Variants in IQCE observed in about 807,000 individuals in gnomAD.
The protein encoded by IQCE is IQ motif containing E.
In IQCE, 115 loss-of-function variants were observed where a neutral mutation model predicts 96.0. The observed-to-expected ratio is 1.20, with a 90% confidence interval of 1.03 to 1.40. The LOEUF is 1.40. Among genes scored for constraint, IQCE ranks in the 40% most tolerant of loss-of-function variants. The pLI is 0.00. For synonymous variants in IQCE, 412 were observed against 371.2 expected, an observed-to-expected ratio of 1.11 and a Z score of -1.26; for missense variants, 1,041 against 909.1, an observed-to-expected ratio of 1.15 and a Z score of -1.87.
intron 1 of IQCE, among the ~76,000 whole-genome samples, chr7:2,565,898 CA>C (rs1476919852): frequency 6.6e-6 from 1 of 152,224 alleles, no homozygotes; most frequent in Non-Finnish European, 1.5e-5. Flanking sequence ...AGTCACATTG[CA>C]CTTGTGTCCT....
rs555392065 is a variant in IQCE, at chr7:2,581,733, G to T, written c.631-847G>T. ...GTTCTTTTTTTTTTTTTTTTGAGATGGAGTCTCGCTCTGTCACCCACGCTG... is the reference window on the plus strand; with the variant it reads ...GTTCTTTTTTTTTTTTTTTTGAGATTGAGTCTCGCTCTGTCACCCACGCTG... On this transcript the variant is annotated intron_variant, in intron 8 of 21. Coordinates refer to ENST00000402050, the MANE Select transcript of IQCE (RefSeq NM_152558.5). 5.9e-3 allele frequency among the ~76,000 whole-genome samples: 817 copies of T among 138,808 alleles called. 15 individuals are homozygous for T. The highest frequency in any genetic ancestry group is 0.02 in the African/African-American group (762 of 37,476). The allele number at this position is 138,808 out of a possible 152,430, so 91.1% of individuals were successfully genotyped here. A position where few individuals can be genotyped will look rare whatever the true frequency, so the allele number is the denominator to read the frequency against.
intron 19 of IQCE, 59 bp from the exon 20 acceptor site, chr7:2,605,817 G>T: frequency 6.9e-7 from 1 of 1,456,932 alleles, no homozygotes; most frequent in Admixed American, 2.5e-5. Context: ...GGGGTTGAGT[G>T]CTGGGAGCCA....
At position 2,610,360 on chromosome 7, in the gene IQCE, C is replaced by T. The variant is rs910541002; in HGVS notation, c.*198C>T. The T allele has an allele frequency of 1.1e-4, 55 of 521,350 alleles. No individual in the cohort carries two copies. Among genetic ancestry groups the T allele is most frequent in the African/African-American group, 7.1e-4 (37 of 51,834 alleles). The allele number at this position is 521,350 out of a possible 1,614,324, so 32.3% of individuals were successfully genotyped here. On this transcript the variant is annotated 3_prime_UTR_variant, in exon 22 of 22. Transcript: ENST00000402050. Reference sequence around the variant, plus strand: ...TACTTTATTCTCTGGGGAGGGCCAGCGGCTCGCATCCCCCTCATCTCCAGC... The same window carrying T: ...TACTTTATTCTCTGGGGAGGGCCAGTGGCTCGCATCCCCCTCATCTCCAGC...
At chr7:2,591,956 C>T (rs867496555) in intron 14 of IQCE, among the ~76,000 whole-genome samples, 52 of 121,932 alleles carry the variant, frequency 4.3e-4, no homozygotes, top group Middle Eastern at 4.1e-3. Flanking sequence ...GGATTACAGG[C>T]GTGAGCCACC....
rs994297417 is a variant in IQCE at position 2,614,168 on chromosome 7, C to T, written c.*4006C>T. The T allele has an allele frequency of 1.3e-4, 20 of 152,196 alleles. No individual in the cohort carries two copies. The highest frequency in any genetic ancestry group is 4.8e-4 in the African/African-American group (20 of 41,438). 9.4% of individuals were successfully genotyped at this position (152,196 alleles called of 1,614,324 possible). ...ATTAGGAAAAGATAGCCCAACCTAG[C>T]TCAGATCCACCAAGATAAGCACAGC... On this transcript the variant is annotated 3_prime_UTR_variant, in exon 22 of 22. Transcript: ENST00000402050.
Position 2,578,357 on chromosome 7 carries a change from T to C in IQCE, c.579+2T>C, listed in dbSNP as rs201523038. ...GAGCAGCTCCTGGATCCCAGCCGCG[T>C]AAGCTCCTGGCGCTTCACGGACGGG... On this transcript the variant is annotated splice_donor_variant, in intron 7 of 21. Coordinates refer to ENST00000402050, the MANE Select transcript of IQCE (RefSeq NM_152558.5). LOFTEE classifies it high-confidence loss of function. 3.2e-5 allele frequency: 51 copies of C among 1,613,608 alleles called. No homozygotes were observed. Among genetic ancestry groups the C allele is most frequent in the Non-Finnish European group, 4.2e-5 (49 of 1,179,686 alleles).
chr7:2,595,000 C>G (rs776673055), intron 16 of IQCE, 24 bp downstream of exon 16: 2 of 1,527,264 alleles, frequency 1.3e-6, no homozygotes, highest in Non-Finnish European at 1.8e-6. Flanking sequence ...TCAGTTGAGT[C>G]TCCCGTCAGG....
intron 1 of IQCE, among the ~76,000 whole-genome samples, chr7:2,561,768 A>T (rs1202226361): frequency 6.6e-6 from 1 of 152,090 alleles, no homozygotes; most frequent in Non-Finnish European, 1.5e-5. Flanking sequence ...AACTTGCTGA[A>T]CTCATTTATT....
chr7:2,603,465 C>G (rs941072377), intron 18 of IQCE, among the ~76,000 whole-genome samples: 2 of 141,676 alleles, frequency 1.4e-5, no homozygotes, highest in Non-Finnish European at 3.2e-5. Context: ...GCCGTCTCCC[C>G]ATCCTGCTTC....
At position 2,610,058 on chromosome 7, in the gene IQCE, G is replaced by T; in HGVS notation, c.1984G>T (p.Gly662Trp). 6.2e-7 allele frequency: 1 copy of T among 1,601,258 alleles called. No homozygotes were observed. The highest frequency in any genetic ancestry group is 8.6e-7 in the Non-Finnish European group (1 of 1,168,384). The change falls in exon 22 of 22, where the codon GGG (glycine) becomes TGG (tryptophan). Residue 662 changes from glycine (G) to tryptophan (W), a missense_variant. By Grantham distance (184) the Gly-to-Trp change is radical (BLOSUM62 -2). Coordinates refer to ENST00000402050, the MANE Select transcript of IQCE (RefSeq NM_152558.5). ...CATTTCTGCAGACCCCTCTCCCTCA[G>T]GGCCACAGGCCTTGGCACCTCTACC... ...LAALPDPSPS[G>W]PQALAPLPGD...
In IQCE at chr7:2,573,461, GT is replaced by G. The variant is rs1467643384; in HGVS notation, c.439del (p.Tyr147MetfsTer7). ...TPVYREKEDM[Y>X]DEIIELKKSL... Reference sequence around the variant, plus strand: ...CTGTCTACAGAGAAAAAGAAGATATGTATGACGAGATTATTGAGTTAAAGAA... The same window carrying G: ...CTGTCTACAGAGAAAAAGAAGATATGATGACGAGATTATTGAGTTAAAGAA... On this transcript the variant is annotated frameshift_variant, in exon 6 of 22. Transcript: ENST00000402050. LOFTEE classifies it high-confidence loss of function. 2 of 1,547,498 alleles carry G rather than the reference GT, an allele frequency of 1.3e-6. No homozygotes were observed. Among genetic ancestry groups the G allele is most frequent in the Non-Finnish European group, 1.8e-6 (2 of 1,120,112 alleles).
intron 19 of IQCE, among the ~76,000 whole-genome samples, chr7:2,605,422 C>T (rs1486105284): frequency 6.6e-6 from 1 of 152,084 alleles, no homozygotes; most frequent in Non-Finnish European, 1.5e-5. Context: ...AGATCGAGAC[C>T]ATCCTGGCTA....
Position 2,598,555 on chromosome 7 carries a change from CG to C in IQCE, c.1532del (p.Arg511ProfsTer53). ...DSSEEGLPRP[R>X]SPCSDGRRDA... ...CAGCGAGGAGGGGCTCCCGCGGCCC[CG>C]CTCCCCCTGCTCTGATGGGAGAAGA... On this transcript the variant is annotated frameshift_variant, in exon 17 of 22. Coordinates refer to ENST00000402050, the MANE Select transcript of IQCE (RefSeq NM_152558.5). LOFTEE classifies it high-confidence loss of function. 1 of 1,610,704 alleles carries C rather than the reference CG, an allele frequency of 6.2e-7. No individual in the cohort carries two copies. Among genetic ancestry groups the C allele is most frequent in the Middle Eastern group, 1.7e-4 (1 of 6,038 alleles).
At chr7:2,565,203 TTG>T (rs1781280674) in intron 1 of IQCE, among the ~76,000 whole-genome samples, 2 of 148,850 alleles carry the variant, frequency 1.3e-5, no homozygotes, top group Non-Finnish European at 3.0e-5. Context: ...CCTTGGACTG[TTG>T]TGTGATTTTA....
At chr7:2,601,873 A>G (rs1784458649) in intron 18 of IQCE, 1 of 202,950 alleles carries the variant, frequency 4.9e-6, no homozygotes, top group Non-Finnish European at 9.9e-6. Flanking sequence ...ATGAAACCAA[A>G]CCAGACCCCA....
chr7:2,605,881 T>A lies in IQCE; in HGVS notation c.1749T>A (p.Ser583=). Residue 583 remains serine, a synonymous_variant, in exon 20 of 22, where the codon TCT becomes TCA. Coordinates refer to ENST00000402050, the MANE Select transcript of IQCE (RefSeq NM_152558.5). ...PSVPGLPDQS[S]PVPRVPSPIA... is the part of the protein sequence containing the mutation. ...CTGCTGTCCTTGCACCCCAGAGCTC[T>A]CCTGTGCCCCGCGTTCCGAGCCCCA... 1 of 1,601,232 alleles carries A rather than the reference T, an allele frequency of 6.2e-7. No homozygotes were observed. The highest frequency in any genetic ancestry group is 8.5e-7 in the Non-Finnish European group (1 of 1,175,054).
Position 2,594,934 on chromosome 7 carries a change from GAAGA to G in IQCE, c.1404_1407del (p.Glu469ArgfsTer94), listed in dbSNP as rs2128463215. ...GCAAGCTCCAAGAATTGCAAGAAAT[GAAGA>G]AAGAAGAGAAAGAGGATTGCCCGGA... On this transcript the variant is annotated frameshift_variant, in exon 16 of 22. Coordinates refer to ENST00000402050, the MANE Select transcript of IQCE (RefSeq NM_152558.5). LOFTEE classifies it high-confidence loss of function. 1 of 1,613,998 alleles carries G rather than the reference GAAGA, an allele frequency of 6.2e-7. No homozygotes were observed. Among genetic ancestry groups the G allele is most frequent in the Non-Finnish European group, 8.5e-7 (1 of 1,179,874 alleles).
Position 2,575,940 on chromosome 7 carries a change from G to A in IQCE, c.466-2302G>A, listed in dbSNP as rs550481647. 2.6e-5 allele frequency among the ~76,000 whole-genome samples: 4 copies of A among 152,338 alleles called. No individual in the cohort carries two copies. The South Asian group carries it at 8.3e-4, about 32-fold the overall frequency. On this transcript the variant is annotated intron_variant, in intron 6 of 21. Transcript: ENST00000402050. The stretch of plus-strand genomic sequence containing the variant: ...CAGGTGTTGAGTGGTACTGACAGGA[G>A]GAATTGGGAGGAGTGAATCTGCTTC...
At chr7:2,579,812 T>G (rs145970786) in intron 8 of IQCE, among the ~76,000 whole-genome samples, 1 of 151,954 alleles carries the variant, frequency 6.6e-6, no homozygotes, top group East Asian at 1.9e-4. Flanking sequence ...GGCAGGATCA[T>G]GGCTCACTGC....
Sources: gnomAD v4.1 joint callset for allele counts (sites outside exome capture counted in the v4.1 genomes callset) on GRCh38, gnomAD v4.1.1 for gene constraint, MANE v1.5 for transcripts, NCBI Gene and HGNC (gene_info 2026-07-23, HGNC 2026-07-21) for gene names.